REPS2: variants seen among roughly 807,000 people sequenced by gnomAD.
REPS2 encodes the protein ralBP1-associated Eps domain-containing protein 2.
In REPS2, 23 loss-of-function variants were observed where a neutral mutation model predicts 53.6. That is an observed-to-expected ratio of 0.43 (90% CI 0.31 to 0.61). The LOEUF (loss-of-function observed/expected upper bound fraction) is 0.61. REPS2 is among the 20% of genes least tolerant of loss of function. REPS2 has a pLI of 0.11. For synonymous variants in REPS2, 238 were observed against 218.6 expected, an observed-to-expected ratio of 1.09 and a Z score of -0.78; for missense variants, 446 against 534.9, an observed-to-expected ratio of 0.83 and a Z score of 1.64.
chrX:17,142,722 G>T (rs1003476596), intron 17 of REPS2, among the ~76,000 whole-genome samples: 13 of 112,062 alleles, frequency 1.2e-4, no homozygotes, highest in Non-Finnish European at 2.4e-4. Flanking sequence ...CTGGCAATTA[G>T]AACTCTCATT....
rs766904624 is a variant in REPS2 at position 17,074,101 on chromosome X, A to G, written c.1334-13A>G. The G allele has an allele frequency of 1.2e-5, 14 of 1,207,673 alleles. No homozygotes were observed. The highest frequency in any genetic ancestry group is 1.6e-5 in the Non-Finnish European group (14 of 892,422). ...ACTGCAGAAATGAAACCCAAGCAAT[A>G]TCTTTGTTTCAGCAACTCCCAAGGA... On this transcript the variant is annotated splice_polypyrimidine_tract_variant and intron_variant, in intron 11 of 17. Coordinates refer to ENST00000357277, the MANE Select transcript of REPS2 (RefSeq NM_004726.3).
Position 17,054,901 on chromosome X carries a change from A to G in REPS2, c.1065A>G (p.Pro355=). The change falls in exon 8 of 18, where the codon CCA becomes CCG. Residue 355 remains proline (P), a synonymous_variant. Transcript: ENST00000357277. ...TTGTGGCTCGGAAGAACGGCTACCC[A>G]TTGCCTGAGGGCCTCCCTCCAACTC... ...HLIVARKNGY[P]LPEGLPPTLQ... is the part of the protein sequence containing the mutation. 1 of 1,211,443 alleles carries G rather than the reference A, an allele frequency of 8.3e-7. No individual in the cohort carries two copies. The highest frequency in any genetic ancestry group is 1.8e-5 in the South Asian group (1 of 56,959).
At chrX:17,016,203 A>G (rs925556466) in intron 2 of REPS2, among the ~76,000 whole-genome samples, 33 of 111,217 alleles carry the variant, frequency 3.0e-4, no homozygotes, top group African/African-American at 1.1e-3. Flanking sequence ...GACTGCGTAA[A>G]TGTCTTCTTT....
At chrX:17,007,512 A>C (rs1337343293) in intron 2 of REPS2, among the ~76,000 whole-genome samples, 1 of 111,963 alleles carries the variant, frequency 8.9e-6, no homozygotes, top group South Asian at 3.7e-4. Context: ...GCTGCCCTCT[A>C]TGTGGTGACC....
chrX:17,133,343 C>T (rs1265285164), intron 14 of REPS2, among the ~76,000 whole-genome samples: 7 of 111,520 alleles, frequency 6.3e-5, no homozygotes, highest in East Asian at 2.8e-4. Flanking sequence ...TGCAGCAGTG[C>T]GTGGGCTTTG....
At chrX:16,951,195 G>A (rs1325107480) in intron 1 of REPS2, among the ~76,000 whole-genome samples, 1 of 111,470 alleles carries the variant, frequency 9.0e-6, no homozygotes, top group Non-Finnish European at 1.9e-5. Context: ...CTACTCTAAC[G>A]TTTGTTGCTC....
chrX:17,028,361 C>T (rs755310608), intron 4 of REPS2, among the ~76,000 whole-genome samples: 12 of 112,557 alleles, frequency 1.1e-4, no homozygotes, highest in African/African-American at 3.5e-4. Flanking sequence ...TTTTAAAAAT[C>T]CTACTTCTCA....
At chrX:17,031,385 C>T (rs2061707297) in intron 5 of REPS2, among the ~76,000 whole-genome samples, 1 of 112,079 alleles carries the variant, frequency 8.9e-6, no homozygotes, top group Admixed American at 9.4e-5. Flanking sequence ...TTTGGATTGG[C>T]ACCCTGTGGC....
At chrX:16,963,394 C>T (rs1378650398) in intron 1 of REPS2, among the ~76,000 whole-genome samples, 2 of 112,455 alleles carry the variant, frequency 1.8e-5, no homozygotes, top group African/African-American at 6.5e-5. Flanking sequence ...GGGATATTAT[C>T]TATCTTGGTA....
chrX:17,126,434 A>G (rs1352609552), intron 14 of REPS2, among the ~76,000 whole-genome samples: 1 of 112,595 alleles, frequency 8.9e-6, no homozygotes, highest in African/African-American at 3.2e-5. Flanking sequence ...TCTATAGTCA[A>G]TGTTTCTCAA....
At chrX:17,123,492 G>A (rs1334113195) in intron 14 of REPS2, among the ~76,000 whole-genome samples, 1 of 112,494 alleles carries the variant, frequency 8.9e-6, no homozygotes, top group South Asian at 3.6e-4. Flanking sequence ...AATCCCCAAG[G>A]CATTCTGCCA....
Position 17,017,797 on chromosome X carries a change from G to GT in REPS2, c.398-4325dup, listed in dbSNP as rs1174466848. Among the ~76,000 whole-genome samples the GT allele has an allele frequency of 8.1e-5, 9 of 111,696 alleles. 1 individual carries two copies. The Admixed American group carries it at 8.6e-4, about 11-fold the overall frequency. On this transcript the variant is annotated intron_variant, in intron 2 of 17. Coordinates refer to ENST00000357277, the MANE Select transcript of REPS2 (RefSeq NM_004726.3). ...CTGTGCTGTTTCAGTATGGTAGCCA[G>GT]TAGCTGCATGTGGCTGTTGAGCACA... is the stretch of plus-strand genomic sequence containing the variant.
the REPS2 span, among the ~76,000 whole-genome samples, chrX:17,173,296 T>C: frequency 4.9e-4 from 55 of 111,348 alleles, no homozygotes; most frequent in African/African-American, 1.5e-3. Context: ...CTAAGCTCAT[T>C]TGGGTTGTTG....
intron 4 of REPS2, among the ~76,000 whole-genome samples, chrX:17,029,225 T>C (rs2061680196): frequency 8.9e-6 from 1 of 112,077 alleles, no homozygotes; most frequent in Admixed American, 9.5e-5. Context: ...ATGACACTTT[T>C]CTAGCTATTG....
chrX:17,014,636 T>G (rs1211246609), intron 2 of REPS2, among the ~76,000 whole-genome samples: 1 of 111,600 alleles, frequency 9.0e-6, no homozygotes, highest in Non-Finnish European at 1.9e-5. Context: ...TAGAACATTA[T>G]TGTCATAATT....
intron 14 of REPS2, among the ~76,000 whole-genome samples, chrX:17,114,141 G>A (rs1159522083): frequency 9.0e-6 from 1 of 111,627 alleles, no homozygotes; most frequent in Non-Finnish European, 1.9e-5. Context: ...TGACCTTGAA[G>A]GTCCATGGTG....
chrX:16,965,594 C>T (rs929185502), intron 1 of REPS2, among the ~76,000 whole-genome samples: 8 of 110,537 alleles, frequency 7.2e-5, no homozygotes, highest in African/African-American at 9.9e-5. Flanking sequence ...GACGGGGTGG[C>T]AGGGCAGAGG....
chrX:17,139,725 T>A (rs1337823713), intron 17 of REPS2, among the ~76,000 whole-genome samples: 1 of 111,072 alleles, frequency 9.0e-6, no homozygotes, highest in East Asian at 2.8e-4. Flanking sequence ...CCCTGGGCAT[T>A]CCTTGGCTTG....
At chrX:17,024,134 A>G (rs926045054) in intron 3 of REPS2, among the ~76,000 whole-genome samples, 1 of 107,742 alleles carries the variant, frequency 9.3e-6, no homozygotes, top group African/African-American at 3.4e-5. Context: ...AAAAAAAAAA[A>G]AAAAAATTAG....
Sources: gnomAD v4.1 joint callset for allele counts (sites outside exome capture counted in the v4.1 genomes callset) on GRCh38, gnomAD v4.1.1 for gene constraint, MANE v1.5 for transcripts, NCBI Gene and HGNC (gene_info 2026-07-23, HGNC 2026-07-21) for gene names.